Variants in TMC1 observed in about 807,000 individuals in gnomAD.
The protein encoded by TMC1 is transmembrane channel like 1.
Under a neutral mutation model 105.8 loss-of-function variants are expected in TMC1, and 84 were observed. The observed-to-expected ratio is 0.79, with a 90% CI of 0.67 to 0.95. TMC1 has a LOEUF of 0.95. TMC1 is among the 40% of genes least tolerant of loss of function. The pLI is 0.00. For synonymous variants in TMC1, 315 were observed against 311.5 expected, an observed-to-expected ratio of 1.01 and a Z score of -0.12; for missense variants, 817 against 914.1, an observed-to-expected ratio of 0.89 and a Z score of 1.37.
At chr9:72,587,817 A>T (rs1428520017) in intron 2 of TMC1, among the ~76,000 whole-genome samples, 2 of 147,370 alleles carry the variant, frequency 1.4e-5, no homozygotes, top group Non-Finnish European at 3.0e-5. Flanking sequence ...ACAGAGCCTC[A>T]CTGTCTTGCC....
chr9:72,535,195 C>T (rs1298035711), intron 1 of TMC1, among the ~76,000 whole-genome samples: 1 of 152,124 alleles, frequency 6.6e-6, no homozygotes, highest in Non-Finnish European at 1.5e-5. Flanking sequence ...ACCTCTGTTC[C>T]AAGGGACTCA....
At chr9:72,720,293 A>G (rs371158313) in intron 8 of TMC1, among the ~76,000 whole-genome samples, 1 of 152,334 alleles carries the variant, frequency 6.6e-6, no homozygotes. Flanking sequence ...AGAAGTCACA[A>G]ACCTGAAGTT....
chr9:72,643,256 A>C (rs980492042), intron 4 of TMC1, among the ~76,000 whole-genome samples: 1 of 151,838 alleles, frequency 6.6e-6, no homozygotes, highest in Non-Finnish European at 1.5e-5. Flanking sequence ...ACATACTCTC[A>C]TTTGGGCCCA....
intron 1 of TMC1, among the ~76,000 whole-genome samples, chr9:72,527,134 T>C (rs931534521): frequency 6.6e-6 from 1 of 152,172 alleles, no homozygotes; most frequent in Admixed American, 6.5e-5. Flanking sequence ...CCTTGAGCCC[T>C]CTAAAAGGCA....
chr9:72,524,508 G>A (rs1337003096), intron 1 of TMC1, among the ~76,000 whole-genome samples: 2 of 152,104 alleles, frequency 1.3e-5, no homozygotes, highest in African/African-American at 2.4e-5. Context: ...AACTTCTCAA[G>A]GATGCGATCT....
At chr9:72,733,252 C>T (rs1454213464) in intron 8 of TMC1, among the ~76,000 whole-genome samples, 1 of 151,838 alleles carries the variant, frequency 6.6e-6, no homozygotes, top group East Asian at 1.9e-4. Flanking sequence ...GAGCTCTCTA[C>T]AGCAGCACAG....
chr9:72,625,774 T>C (rs1226102914), intron 3 of TMC1, among the ~76,000 whole-genome samples: 6 of 152,100 alleles, frequency 3.9e-5, no homozygotes, highest in Admixed American at 1.3e-4. Flanking sequence ...TCTAGGGTTG[T>C]ATATTTTATA....
At chr9:72,781,159 G>A (rs1828088596) in intron 13 of TMC1, among the ~76,000 whole-genome samples, 1 of 152,082 alleles carries the variant, frequency 6.6e-6, no homozygotes, top group African/African-American at 2.4e-5. Flanking sequence ...TCAATACCAA[G>A]AGGATCTCTA....
intron 1 of TMC1, among the ~76,000 whole-genome samples, chr9:72,554,947 C>G (rs1823906134): frequency 6.6e-6 from 1 of 152,122 alleles, no homozygotes; most frequent in Non-Finnish European, 1.5e-5. Flanking sequence ...GGCACAATCT[C>G]AGCTCACTGC....
chr9:72,776,739 T>C (rs2118141249), intron 13 of TMC1, among the ~76,000 whole-genome samples: 1 of 152,248 alleles, frequency 6.6e-6, no homozygotes, highest in Middle Eastern at 3.4e-3. Context: ...TCAGCAGAGT[T>C]TGAGGATTTC....
In TMC1 at chr9:72,705,650, C is replaced by T. The variant is rs934097153; in HGVS notation, c.362+5007C>T. On this transcript the variant is annotated intron_variant, in intron 8 of 23. Coordinates refer to ENST00000297784, the MANE Select transcript of TMC1 (RefSeq NM_138691.3). ...TAAAATAAAAAACAGTTTTAAAAAC[C>T]CACTTAGCTGGATATTTAAAGAAAC... Among the ~76,000 whole-genome samples, 7 of 152,064 alleles carry T rather than the reference C, an allele frequency of 4.6e-5. No homozygotes were observed. In the East Asian group the frequency reaches 9.6e-4, roughly 21 times the overall value.
In TMC1 at chr9:72,827,141, G is replaced by A. The variant is rs146936614; in HGVS notation, c.2129+147G>A. Reference sequence around the variant, plus strand: ...AACACTGATTACATGGTGGTGAGAGGCTAAAATTCATGAGCCATATTCTGA... The same window carrying A: ...AACACTGATTACATGGTGGTGAGAGACTAAAATTCATGAGCCATATTCTGA... On this transcript the variant is annotated intron_variant, in intron 21 of 23. Coordinates refer to ENST00000297784, the MANE Select transcript of TMC1 (RefSeq NM_138691.3). 494 of 1,091,674 alleles carry A rather than the reference G, an allele frequency of 4.5e-4. 6 individuals carry two copies. The African/African-American group carries it at 6.8e-3, about 15-fold the overall frequency. 67.6% of individuals were successfully genotyped at this position (1,091,674 alleles called of 1,614,324 possible).
Position 72,744,287 on chromosome 9 carries a change from G to A in TMC1, c.535+1762G>A, listed in dbSNP as rs1423562662. ...TTGATGTAATCTTAATTCATTTTAT[G>A]TTCATTTCTCCCAATAGATGGGAAA... On this transcript the variant is annotated intron_variant, in intron 10 of 23. Coordinates refer to ENST00000297784, the MANE Select transcript of TMC1 (RefSeq NM_138691.3). 5.3e-5 allele frequency among the ~76,000 whole-genome samples: 8 copies of A among 152,022 alleles called. No homozygotes were observed. In the South Asian group the frequency reaches 1.7e-3, roughly 31 times the overall value.
chr9:72,614,084 C>A (rs1263779011), intron 2 of TMC1, among the ~76,000 whole-genome samples: 1 of 152,178 alleles, frequency 6.6e-6, no homozygotes, highest in African/African-American at 2.4e-5. Flanking sequence ...CTGAGCAGAA[C>A]TGCAACGTTG....
intron 1 of TMC1, among the ~76,000 whole-genome samples, chr9:72,526,085 AGCCCCTT>A (rs1353575847): frequency 2.0e-5 from 3 of 152,302 alleles, no homozygotes; most frequent in Non-Finnish European, 4.4e-5. Context: ...TGAAAGCACC[AGCCCCTT>A]GCTTTGGGGG....
intron 1 of TMC1, among the ~76,000 whole-genome samples, chr9:72,569,222 T>C (rs1227390946): frequency 6.6e-6 from 1 of 152,186 alleles, no homozygotes; most frequent in East Asian, 1.9e-4. Flanking sequence ...AAATGCTTTG[T>C]AAATACTTGT....
intron 19 of TMC1, among the ~76,000 whole-genome samples, chr9:72,816,564 G>T (rs190518967): frequency 6.2e-4 from 95 of 152,038 alleles, no homozygotes; most frequent in Non-Finnish European, 9.6e-4. Flanking sequence ...TTAACATAAG[G>T]CCTTTCCGAG....
chr9:72,643,556 T>C (rs1205731041), intron 4 of TMC1, among the ~76,000 whole-genome samples: 1 of 152,192 alleles, frequency 6.6e-6, no homozygotes, highest in Non-Finnish European at 1.5e-5. Context: ...TAGCATGTGC[T>C]CTTTTTTTTG....
At chr9:72,611,825 T>C (rs886381325) in intron 2 of TMC1, among the ~76,000 whole-genome samples, 1 of 152,178 alleles carries the variant, frequency 6.6e-6, no homozygotes, top group African/African-American at 2.4e-5. Flanking sequence ...CCACCCTGTG[T>C]TGATCTCAGT....
Sources: allele counts gnomAD v4.1 joint callset (sites outside exome capture counted in the v4.1 genomes callset), GRCh38; gene constraint gnomAD v4.1.1; transcripts MANE v1.5; gene names NCBI Gene and HGNC (gene_info 2026-07-23, HGNC 2026-07-21).